ABCB5: variants seen among roughly 807,000 people sequenced by gnomAD.
ABCB5 encodes ATP-binding cassette sub-family B member 5.
A neutral mutation model predicts 144.2 loss-of-function variants in ABCB5; 155 were observed. The ratio of observed to expected loss-of-function variants is 1.08; its 90% confidence interval spans 0.94 to 1.23. The LOEUF is 1.23. ABCB5 is among the 50% of genes most tolerant of loss of function. ABCB5 has a pLI of 0.00. For missense variants in ABCB5, 1,830 were observed against 1,520.8 expected, an observed-to-expected ratio of 1.20 and a Z score of -3.38; for synonymous variants, 610 against 528.6, an observed-to-expected ratio of 1.15 and a Z score of -2.11.
rs184897092 is a variant in ABCB5 at position 20,739,957 on chromosome 7, C to T, written c.3024+818C>T. Among the ~76,000 whole-genome samples, 1,374 of 152,198 alleles carry T rather than the reference C, an allele frequency of 9.0e-3. 10 individuals carry two copies. The highest frequency in any genetic ancestry group is 0.012 in the Non-Finnish European group (805 of 68,016). On this transcript the variant is annotated intron_variant, in intron 24 of 27. Transcript: ENST00000404938. ...TCAATAATAGTCTTATACAGCTGGG[C>T]GTGGTGGCTCACGCCTGTAATCCCA...
In ABCB5 at chr7:20,723,238, T is replaced by G. The variant is rs1781931784; in HGVS notation, c.2625+19T>G. 6.2e-7 allele frequency: 1 copy of G among 1,610,772 alleles called. No homozygotes were observed. The highest frequency in any genetic ancestry group is 1.3e-5 in the African/African-American group (1 of 74,860). ...TGGAAAGGTAAAATGAAGACTGTTA[T>G]CACCATCGTAACATTTAAAGAGAAA... is the stretch of plus-strand genomic sequence containing the variant. On this transcript the variant is annotated intron_variant, in intron 21 of 27. Transcript: ENST00000404938.
At chr7:20,743,648 G>T (rs1782629204) in intron 25 of ABCB5, among the ~76,000 whole-genome samples, 1 of 151,654 alleles carries the variant, frequency 6.6e-6, no homozygotes, top group Non-Finnish European at 1.5e-5. Context: ...CCATTACCTT[G>T]TCCTCCCCCC....
Position 20,753,391 on chromosome 7 carries a change from C to A in ABCB5, c.3461C>A (p.Ala1154Glu), listed in dbSNP as rs1782991138. The change falls in exon 27 of 28, where the codon GCA becomes GAA. Residue 1154 changes from alanine (A) to glutamate (E), a missense_variant. Transcript: ENST00000404938. ...KYNTQVGLKGAQLSGGQKQRL... is the reference protein window; with the variant it reads ...KYNTQVGLKGEQLSGGQKQRL... ...AACACACAAGTTGGACTGAAAGGAG[C>A]ACAGCTTTCTGGCGGCCAGAAACAA... 3.7e-6 allele frequency: 6 copies of A among 1,613,878 alleles called. No homozygotes were observed. Among genetic ancestry groups the A allele is most frequent in the Non-Finnish European group, 5.1e-6 (6 of 1,179,944 alleles).
At chr7:20,636,377 A>G (rs1289774224) in intron 5 of ABCB5, among the ~76,000 whole-genome samples, 1 of 152,290 alleles carries the variant, frequency 6.6e-6, no homozygotes, top group Admixed American at 6.5e-5. Context: ...ATGAAAAGAT[A>G]TGTCTATGTA....
intron 4 of ABCB5, among the ~76,000 whole-genome samples, chr7:20,630,331 T>A (rs1245403004): frequency 6.6e-6 from 1 of 152,084 alleles, no homozygotes. Context: ...CTATTTGACT[T>A]TAAATTCTAA....
intron 5 of ABCB5, among the ~76,000 whole-genome samples, chr7:20,639,738 G>A (rs182646002): frequency 1.3e-5 from 2 of 152,240 alleles, no homozygotes; most frequent in African/African-American, 4.8e-5. Context: ...GCACTGTTTC[G>A]ATTACTGTAG....
chr7:20,711,778 C>CTCTTTCTCTTTCTT, intron 20 of ABCB5, among the ~76,000 whole-genome samples: 1 of 47,110 alleles, frequency 2.1e-5, no homozygotes, highest in Non-Finnish European at 3.6e-5. Flanking sequence ...TTCCTTCTTT[C>CTCTTTCTCTTTCTT]TCTTTCTTTC....
At chr7:20,703,976 T>C (rs1786723686) in intron 19 of ABCB5, among the ~76,000 whole-genome samples, 1 of 151,818 alleles carries the variant, frequency 6.6e-6, no homozygotes, top group South Asian at 2.1e-4. Context: ...AAATCTTTAT[T>C]ATATGGCCCC....
At chr7:20,680,455 C>G (rs1210265744) in intron 14 of ABCB5, among the ~76,000 whole-genome samples, 1 of 151,966 alleles carries the variant, frequency 6.6e-6, no homozygotes, top group East Asian at 1.9e-4. Context: ...CACCTGTAGT[C>G]CCAGCTACTC....
At position 20,651,496 on chromosome 7, in the gene ABCB5, A is replaced by G. The variant is rs758611868; in HGVS notation, c.1409A>G (p.Glu470Gly). The change falls in exon 13 of 28, where the codon GAG (glutamate) becomes GGG (glycine). Residue 470 changes from glutamate (E) to glycine (G), a missense_variant. Transcript: ENST00000404938. ...GACCATATTGGAGTGGTTAGTCAAG[A>G]GCCTGTTTTGTTCGGGACCACCATC... Reference protein sequence around the residue: ...YRDHIGVVSQEPVLFGTTISN... With the variant: ...YRDHIGVVSQGPVLFGTTISN... The G allele has an allele frequency of 4.3e-6, 7 of 1,614,068 alleles. No individual in the cohort carries two copies. The South Asian group carries it at 6.6e-5, about 15-fold the overall frequency.
At chr7:20,665,757 A>C (rs1247921443) in intron 14 of ABCB5, among the ~76,000 whole-genome samples, 1 of 138,184 alleles carries the variant, frequency 7.2e-6, no homozygotes, top group Non-Finnish European at 1.6e-5. Flanking sequence ...ATAGATAGAT[A>C]GATAGATAGA....
intron 21 of ABCB5, among the ~76,000 whole-genome samples, chr7:20,723,954 T>C (rs1190618359): frequency 2.0e-5 from 3 of 152,160 alleles, no homozygotes; most frequent in South Asian, 2.1e-4. Context: ...ATAATTATTA[T>C]ATTAGAGACT....
intron 20 of ABCB5, among the ~76,000 whole-genome samples, chr7:20,711,863 T>TCCC: frequency 2.3e-4 from 8 of 35,030 alleles, no homozygotes; most frequent in African/African-American, 8.2e-4. Context: ...CTTTCTTTCC[T>TCCC]TCCTCCCTCC....
At chr7:20,686,626 C>A (rs1031552067) in intron 16 of ABCB5, among the ~76,000 whole-genome samples, 2 of 152,134 alleles carry the variant, frequency 1.3e-5, no homozygotes, top group Non-Finnish European at 2.9e-5. Context: ...CCCAGTCGAC[C>A]TTTGCTAGCC....
Position 20,645,984 on chromosome 7 carries a change from C to A in ABCB5, c.827C>A (p.Ala276Glu). The change falls in exon 9 of 28, where the codon GCA (alanine) becomes GAA (glutamate). Residue 276 changes from alanine to glutamate, a missense_variant. Physicochemically the swap from Ala to Glu is moderately radical, Grantham distance 107 (BLOSUM62 -1). Transcript: ENST00000404938. ...LQRYTQNLKD[A>E]KDFGIKRTIA... ...AGGTATACACAGAATCTCAAAGATG[C>A]AAAGGATTTTGGCATAAAAAGGACT... The A allele has an allele frequency of 1.2e-6, 2 of 1,613,540 alleles. No individual in the cohort carries two copies. The highest frequency in any genetic ancestry group is 8.5e-7 in the Non-Finnish European group (1 of 1,179,696).
chr7:20,727,460 C>T (rs1458455833), intron 22 of ABCB5, among the ~76,000 whole-genome samples: 6 of 152,126 alleles, frequency 3.9e-5, no homozygotes, highest in South Asian at 2.1e-4. Flanking sequence ...GCGGGCAGGG[C>T]GCTGTGTCTC....
At chr7:20,681,772 G>C in intron 15 of ABCB5, 106 bp downstream of exon 15, 1 of 1,326,786 alleles carries the variant, frequency 7.5e-7, no homozygotes, top group South Asian at 1.5e-5. Context: ...ATTTCAAAAA[G>C]CAACCAAGGT....
chr7:20,724,421 A>G (rs567039130), intron 21 of ABCB5, among the ~76,000 whole-genome samples: 34 of 152,018 alleles, frequency 2.2e-4, no homozygotes, highest in Admixed American at 1.2e-3. Flanking sequence ...TGAGGTCAGG[A>G]GTTTGAAACC....
intron 5 of ABCB5, among the ~76,000 whole-genome samples, chr7:20,634,713 C>T (rs1177231774): frequency 6.6e-6 from 1 of 151,906 alleles, no homozygotes; most frequent in African/African-American, 2.4e-5. Context: ...AAAGTGTCTG[C>T]TCATGTCTTT....
Sources: allele counts gnomAD v4.1 joint callset (sites outside exome capture counted in the v4.1 genomes callset), GRCh38; gene constraint gnomAD v4.1.1; transcripts MANE v1.5; gene names NCBI Gene and HGNC (gene_info 2026-07-23, HGNC 2026-07-21).